The following ERBB4 variants were observed in gnomAD, a reference collection of about 807,000 sequenced individuals.
ERBB4 encodes receptor tyrosine-protein kinase erbB-4.
Under a neutral mutation model 158.0 loss-of-function variants are expected in ERBB4, and 42 were observed. The ratio of observed to expected loss-of-function variants is 0.27; its 90% CI spans 0.21 to 0.34. ERBB4 has a LOEUF of 0.34. Among genes scored for constraint, ERBB4 ranks in the 10% least tolerant of loss-of-function variants. The pLI is 1.00. For missense variants in ERBB4, 1,333 were observed against 1,624.1 expected, an observed-to-expected ratio of 0.82 and a Z score of 3.08; for synonymous variants, 583 against 558.7, an observed-to-expected ratio of 1.04 and a Z score of -0.61.
At chr2:212,178,818 C>T (rs1183460699) in intron 1 of ERBB4, among the ~76,000 whole-genome samples, 1 of 150,838 alleles carries the variant, frequency 6.6e-6, no homozygotes, top group Non-Finnish European at 1.5e-5. Context: ...CAAAACATTA[C>T]AATAATTTAA....
At chr2:211,630,372 T>C in intron 17 of ERBB4, 90 bp downstream of exon 17, 3 of 1,475,932 alleles carry the variant, frequency 2.0e-6, no homozygotes, top group Non-Finnish European at 2.8e-6. Context: ...GAACAGAATT[T>C]TACTTGGATT....
At chr2:211,847,417 C>G (rs1449052154) in intron 3 of ERBB4, among the ~76,000 whole-genome samples, 2 of 152,070 alleles carry the variant, frequency 1.3e-5, no homozygotes, top group Non-Finnish European at 2.9e-5. Context: ...ACTGAGCCCA[C>G]ATGAAGTTAC....
intron 19 of ERBB4, among the ~76,000 whole-genome samples, chr2:211,611,952 T>G (rs113209483): frequency 6.6e-6 from 1 of 152,238 alleles, no homozygotes; most frequent in Non-Finnish European, 1.5e-5. Context: ...GGAAAAAATC[T>G]TCCAAGGGTC....
chr2:212,238,738 C>T (rs1357137), intron 1 of ERBB4, among the ~76,000 whole-genome samples: 12 of 151,748 alleles, frequency 7.9e-5, no homozygotes, highest in African/African-American at 2.4e-4. Flanking sequence ...TTTTAAGCAA[C>T]GAGTTTAAAA....
At chr2:212,108,702 TCTG>T (rs2079305232) in intron 2 of ERBB4, among the ~76,000 whole-genome samples, 1 of 140,220 alleles carries the variant, frequency 7.1e-6, no homozygotes, top group Non-Finnish European at 1.5e-5. Flanking sequence ...TAGAAATGGG[TCTG>T]CTTTTTTTTT....
At chr2:211,709,805 A>C (rs187208611) in intron 9 of ERBB4, among the ~76,000 whole-genome samples, 3 of 152,284 alleles carry the variant, frequency 2.0e-5, no homozygotes, top group Non-Finnish European at 4.4e-5. Context: ...TTAGCCAAAA[A>C]GTCGAGAAGC....
intron 3 of ERBB4, among the ~76,000 whole-genome samples, chr2:211,929,857 T>C (rs1168931105): frequency 6.6e-6 from 1 of 152,164 alleles, no homozygotes; most frequent in Non-Finnish European, 1.5e-5. Flanking sequence ...CATGTACATA[T>C]AAATATATGT....
At chr2:211,754,417 T>TTTTTTTA (rs1431435331) in intron 4 of ERBB4, among the ~76,000 whole-genome samples, 1 of 151,650 alleles carries the variant, frequency 6.6e-6, no homozygotes, top group African/African-American at 2.4e-5. Context: ...CTTTTTTTTT[T>TTTTTTTA]TTGAGACAGA....
At chr2:212,154,470 A>G (rs1018150072) in intron 1 of ERBB4, among the ~76,000 whole-genome samples, 5 of 152,226 alleles carry the variant, frequency 3.3e-5, no homozygotes, top group African/African-American at 1.2e-4. Flanking sequence ...AATATTACTC[A>G]CTTGAATCTA....
At chr2:211,800,721 C>T (rs981029359) in intron 3 of ERBB4, among the ~76,000 whole-genome samples, 3 of 149,842 alleles carry the variant, frequency 2.0e-5, no homozygotes, top group African/African-American at 7.3e-5. Context: ...ATCCCAACCT[C>T]GTCTCTTGAG....
At chr2:212,394,495 CTGT>C (rs1445387540) in intron 1 of ERBB4, among the ~76,000 whole-genome samples, 4 of 151,906 alleles carry the variant, frequency 2.6e-5, no homozygotes, top group African/African-American at 7.2e-5. Flanking sequence ...TTATATTTTC[CTGT>C]TATCATTCTA....
At chr2:211,832,030 G>A (rs1300837867) in intron 3 of ERBB4, among the ~76,000 whole-genome samples, 2 of 152,196 alleles carry the variant, frequency 1.3e-5, no homozygotes, top group South Asian at 2.1e-4. Flanking sequence ...AAGCCAAGGT[G>A]ACACACTCAT....
At chr2:211,482,156 CAG>C (rs2065098721) in intron 20 of ERBB4, among the ~76,000 whole-genome samples, 1 of 152,164 alleles carries the variant, frequency 6.6e-6, no homozygotes, top group South Asian at 2.1e-4. Context: ...CAGAGAACTG[CAG>C]AGTGTCCCTC....
At chr2:211,572,288 T>C (rs1044606475) in intron 19 of ERBB4, among the ~76,000 whole-genome samples, 9 of 152,204 alleles carry the variant, frequency 5.9e-5, no homozygotes, top group African/African-American at 2.2e-4. Flanking sequence ...AAATTTTATA[T>C]TGTGAAAATT....
chr2:212,170,396 G>A (rs1189317981), intron 1 of ERBB4, among the ~76,000 whole-genome samples: 1 of 152,198 alleles, frequency 6.6e-6, no homozygotes, highest in Non-Finnish European at 1.5e-5. Flanking sequence ...AAAATTTGCA[G>A]CCTGATGATG....
At chr2:211,423,727 A>G (rs1233200180) in intron 23 of ERBB4, among the ~76,000 whole-genome samples, 1 of 151,954 alleles carries the variant, frequency 6.6e-6, no homozygotes, top group East Asian at 1.9e-4. Context: ...TATTAAATTA[A>G]TTTTTAAAAC....
At chr2:212,277,100 C>T (rs1024290042) in intron 1 of ERBB4, among the ~76,000 whole-genome samples, 1 of 151,612 alleles carries the variant, frequency 6.6e-6, no homozygotes, top group African/African-American at 2.4e-5. Flanking sequence ...AGTTATTTAT[C>T]ATGTGAGAGA....
chr2:212,149,343 G>A (rs1351227051), intron 1 of ERBB4, among the ~76,000 whole-genome samples: 1 of 151,920 alleles, frequency 6.6e-6, no homozygotes, highest in Non-Finnish European at 1.5e-5. Flanking sequence ...AAACTATAGT[G>A]CTCGTCACAT....
At chr2:212,375,210 T>C (rs1199023284) in intron 1 of ERBB4, among the ~76,000 whole-genome samples, 3 of 152,082 alleles carry the variant, frequency 2.0e-5, no homozygotes, top group Admixed American at 6.6e-5. Flanking sequence ...TCTCAGATTA[T>C]GGAGAGAAAT....
Sources: allele counts gnomAD v4.1 joint callset (sites outside exome capture counted in the v4.1 genomes callset), GRCh38; gene constraint gnomAD v4.1.1; transcripts MANE v1.5; gene names NCBI Gene and HGNC (gene_info 2026-07-23, HGNC 2026-07-21).